Variants in NUP214 observed in about 807,000 individuals in gnomAD.
NUP214 encodes the protein nucleoporin 214.
In NUP214, 79 loss-of-function variants were observed where a neutral mutation model predicts 196.2. That is an observed-to-expected ratio of 0.40 (90% CI 0.34 to 0.49). NUP214 has a LOEUF of 0.49. Ranked by LOEUF, NUP214 falls within the 20% of genes least tolerant of loss-of-function variation. The pLI, the probability that NUP214 is intolerant of heterozygous loss-of-function variation, is 0.58. For synonymous variants in NUP214, 1,020 were observed against 990.5 expected (o/e 1.03, Z -0.56); for missense variants, 2,468 against 2,539.0 (o/e 0.97, Z 0.60).
chr9:131,226,973 C>T (rs973213047), intron 32 of NUP214, among the ~76,000 whole-genome samples: 5 of 152,178 alleles, frequency 3.3e-5, no homozygotes, highest in Non-Finnish European at 5.9e-5. Flanking sequence ...AAAGGCTTGT[C>T]GCTAGGCCAC....
At chr9:131,196,593 A>C (rs1833797891) in intron 28 of NUP214, among the ~76,000 whole-genome samples, 1 of 152,112 alleles carries the variant, frequency 6.6e-6, no homozygotes, top group African/African-American at 2.4e-5. Context: ...CAAATGGGGG[A>C]ATTGAGGCTC....
chr9:131,159,334 CA>C, intron 17 of NUP214, 48 bp from the exon 18 acceptor site: 2 of 1,377,280 alleles, frequency 1.5e-6, no homozygotes, highest in Non-Finnish European at 2.0e-6. Context: ...CATCTTCCCC[CA>C]AACTATCAGA....
intron 21 of NUP214, among the ~76,000 whole-genome samples, chr9:131,171,358 A>T (rs1208338489): frequency 6.6e-6 from 1 of 152,196 alleles, no homozygotes; most frequent in Admixed American, 6.5e-5. Context: ...CTTGAAGGTG[A>T]TGTGATTATT....
In NUP214 at chr9:131,233,538, T is replaced by G. The variant is rs181328341; in HGVS notation, c.*51T>G. 8.4e-5 allele frequency: 135 copies of G among 1,609,338 alleles called. 1 individual carries two copies. The East Asian group carries it at 1.6e-3, about 19-fold the overall frequency. ...CCTGGGACCAACCGCATCCTCAGCT[T>G]CTTCCCCGAGAAATGCTGGAGCAGG... On this transcript the variant is annotated 3_prime_UTR_variant, in exon 36 of 36. Transcript: ENST00000359428.
At chr9:131,212,286 G>T (rs540711500) in intron 30 of NUP214, among the ~76,000 whole-genome samples, 22 of 152,284 alleles carry the variant, frequency 1.4e-4, no homozygotes, top group African/African-American at 5.3e-4. Flanking sequence ...AACTTCATCA[G>T]CAATTCTAAT....
intron 25 of NUP214, among the ~76,000 whole-genome samples, chr9:131,187,629 C>T (rs751302679): frequency 3.3e-5 from 5 of 152,182 alleles, no homozygotes; most frequent in African/African-American, 1.2e-4. Flanking sequence ...TCAGATGATC[C>T]ATCTGCCTCG....
chr9:131,194,447 A>C (rs1424895659), intron 27 of NUP214, among the ~76,000 whole-genome samples: 2 of 152,070 alleles, frequency 1.3e-5, no homozygotes, highest in Non-Finnish European at 2.9e-5. Context: ...CATGTTGCCT[A>C]GGCTGGTCTC....
intron 28 of NUP214, among the ~76,000 whole-genome samples, chr9:131,196,028 C>CTCT (rs200985171): frequency 0.027 from 470 of 17,304 alleles, 155 homozygotes; most frequent in Non-Finnish European, 0.1. Flanking sequence ...CTGTGTGTCC[C>CTCT]CCCCCCCCCC....
At chr9:131,130,983 TCC>T in intron 5 of NUP214, 147 bp downstream of exon 5, 1 of 646,028 alleles carries the variant, frequency 1.5e-6, no homozygotes, top group Non-Finnish European at 2.7e-6. Flanking sequence ...GTGGAACTCT[TCC>T]CTTTCCCATA....
In NUP214 at chr9:131,127,614, A is replaced by G. The variant is rs1263281259; in HGVS notation, c.136A>G (p.Asn46Asp). 2.5e-6 allele frequency: 4 copies of G among 1,614,056 alleles called. No homozygotes were observed. The highest frequency in any genetic ancestry group is 3.4e-6 in the Non-Finnish European group (4 of 1,180,032). Residue 46 changes from asparagine (N) to aspartate (D), a missense_variant, in exon 2 of 36, where the codon AAC (asparagine) becomes GAC (aspartate). Physicochemically the swap from Asn to Asp is conservative, Grantham distance 23. Coordinates refer to ENST00000359428, the MANE Select transcript of NUP214 (RefSeq NM_005085.4). Reference sequence around the variant, plus strand: ...ACGCTCGAGTCTGCTTGCTGTGTCCAACAAATATGGTCTGGTCTTCGCTGG... The same window carrying G: ...ACGCTCGAGTCTGCTTGCTGTGTCCGACAAATATGGTCTGGTCTTCGCTGG... ...KERSSLLAVS[N>D]KYGLVFAGGA...
intron 23 of NUP214, among the ~76,000 whole-genome samples, chr9:131,176,183 A>T (rs892705045): frequency 1.3e-5 from 2 of 152,126 alleles, no homozygotes; most frequent in Non-Finnish European, 2.9e-5. Flanking sequence ...AAACAAAAAG[A>T]ATGACCATTT....
rs112607445 is a variant in NUP214 at position 131,215,481 on chromosome 9, T to C, written c.5749+113T>C. The C allele has an allele frequency of 3.4e-5, 40 of 1,167,762 alleles. 2 individuals are homozygous for C. Among genetic ancestry groups the C allele is most frequent in the African/African-American group, 3.2e-4 (20 of 62,718 alleles). 72.3% of individuals were successfully genotyped at this position (1,167,762 alleles called of 1,614,324 possible). ...AAAAAGAAAAAAAAATCTAGAAGGC[T>C]CATTTAAAATATCTTCCCCAAAGCA... On this transcript the variant is annotated intron_variant, in intron 31 of 35. Transcript: ENST00000359428.
At chr9:131,226,200 C>T (rs1483625211) in intron 32 of NUP214, among the ~76,000 whole-genome samples, 1 of 152,146 alleles carries the variant, frequency 6.6e-6, no homozygotes, top group Non-Finnish European at 1.5e-5. Context: ...TGCTGTGAAG[C>T]ACCTGGCATA....
intron 30 of NUP214, among the ~76,000 whole-genome samples, chr9:131,206,348 G>A (rs1349049182): frequency 6.6e-6 from 1 of 151,478 alleles, no homozygotes; most frequent in East Asian, 1.9e-4. Context: ...GGTTTCACAT[G>A]TTGCCCAGGC....
At position 131,233,597 on chromosome 9, in the gene NUP214, C is replaced by A; in HGVS notation, c.*110C>A. 2 of 1,191,276 alleles carry A rather than the reference C, an allele frequency of 1.7e-6. No homozygotes were observed. Among genetic ancestry groups the A allele is most frequent in the Non-Finnish European group, 2.5e-6 (2 of 815,484 alleles). 73.8% of individuals were successfully genotyped at this position (1,191,276 alleles called of 1,614,324 possible). A position where few individuals can be genotyped will look rare whatever the true frequency, so the allele number is the denominator to read the frequency against. The stretch of plus-strand genomic sequence containing the variant: ...ACCGACGTTGCCATCAAAACACATA[C>A]ACCCAGAAAGAAACAACAGAAACCA... On this transcript the variant is annotated 3_prime_UTR_variant, in exon 36 of 36. Transcript: ENST00000359428.
At chr9:131,208,499 C>T (rs1057249828) in intron 30 of NUP214, among the ~76,000 whole-genome samples, 2 of 151,120 alleles carry the variant, frequency 1.3e-5, no homozygotes, top group Non-Finnish European at 2.9e-5. Flanking sequence ...AGATCGAGAC[C>T]ATCCTGGCTA....
rs76198975 is a variant in NUP214 at position 131,207,008 on chromosome 9, G to T, written c.5592+5291G>T. 1.9e-3 allele frequency among the ~76,000 whole-genome samples: 294 copies of T among 152,318 alleles called. 3 individuals carry two copies. Among genetic ancestry groups the T allele is most frequent in the African/African-American group, 6.8e-3 (281 of 41,566 alleles). On this transcript the variant is annotated intron_variant, in intron 30 of 35. Transcript: ENST00000359428. ...CTGTATCTCCAATGCTTAGGACTAT[G>T]TCTGGCACATGATAGGCATTGTGGA...
Position 131,160,536 on chromosome 9 carries a change from C to T in NUP214, c.2540+1050C>T, listed in dbSNP as rs528581139. 3.9e-5 allele frequency among the ~76,000 whole-genome samples: 6 copies of T among 152,092 alleles called. No homozygotes were observed. In the East Asian group the frequency reaches 1.2e-3, roughly 29 times the overall value. On this transcript the variant is annotated intron_variant, in intron 18 of 35. Transcript: ENST00000359428. ...CATGCACCATGAGAGCATGAAGTGC[C>T]CATTAGAAATTTGAAAAATGAATCA...
chr9:131,214,642 A>G (rs1019571897), intron 30 of NUP214, among the ~76,000 whole-genome samples: 1 of 152,196 alleles, frequency 6.6e-6, no homozygotes, highest in Non-Finnish European at 1.5e-5. Context: ...GCATCCTCTG[A>G]GCATGAGATT....
Sources: allele counts gnomAD v4.1 joint callset (sites outside exome capture counted in the v4.1 genomes callset), GRCh38; gene constraint gnomAD v4.1.1; transcripts MANE v1.5; gene names NCBI Gene and HGNC (gene_info 2026-07-23, HGNC 2026-07-21).